ARID2: variants seen among roughly 807,000 people sequenced by gnomAD.
ARID2 encodes the protein AT-rich interaction domain 2.
A neutral mutation model predicts 184.6 loss-of-function variants in ARID2; 32 were observed. That is an observed-to-expected ratio of 0.17 (90% CI 0.13 to 0.23). The LOEUF is 0.23. ARID2 is among the 10% of genes least tolerant of loss of function. The pLI is 1.00. For missense variants in ARID2, 1,696 were observed against 2,197.6 expected (o/e 0.77, Z 4.56); for synonymous variants, 836 against 772.6 (o/e 1.08, Z -1.36).
chr12:45,817,036 A>G (rs1942815586), intron 4 of ARID2, among the ~76,000 whole-genome samples: 2 of 152,354 alleles, frequency 1.3e-5, no homozygotes, highest in South Asian at 4.1e-4. Flanking sequence ...AGTAATTTGG[A>G]AGAAGTCCAT....
At chr12:45,842,249 A>T (rs906613100) in intron 11 of ARID2, 3 of 150,844 alleles carry the variant, frequency 2.0e-5, no homozygotes, top group Admixed American at 2.0e-4. Context: ...AAAAAAAAAA[A>T]TACGTATATG....
At chr12:45,759,003 G>A (rs541791849) in intron 3 of ARID2, among the ~76,000 whole-genome samples, 8 of 151,664 alleles carry the variant, frequency 5.3e-5, no homozygotes, top group South Asian at 4.2e-4. Context: ...TAAAAGACAC[G>A]CACACACACA....
At chr12:45,878,285 C>T (rs755032428) in intron 16 of ARID2, among the ~76,000 whole-genome samples, 1 of 152,104 alleles carries the variant, frequency 6.6e-6, no homozygotes, top group African/African-American at 2.4e-5. Context: ...TTGGAAAATT[C>T]TCACTTCGTT....
rs192100721 is a variant in ARID2, at chr12:45,812,205, C to G, written c.418+654C>G. 5.7e-3 allele frequency among the ~76,000 whole-genome samples: 845 copies of G among 148,142 alleles called. 5 individuals are homozygous for G. The highest frequency in any genetic ancestry group is 1.0e-2 in the Admixed American group (150 of 15,006). ...GTTTTTCCACTCACTAACATTTGGC[C>G]TAAAAAAAAAAAGAGATACTTGTTT... On this transcript the variant is annotated intron_variant, in intron 4 of 20. Coordinates refer to ENST00000334344, the MANE Select transcript of ARID2 (RefSeq NM_152641.4).
At chr12:45,794,333 A>G (rs1410288412) in intron 3 of ARID2, among the ~76,000 whole-genome samples, 5 of 152,156 alleles carry the variant, frequency 3.3e-5, no homozygotes, top group Admixed American at 6.5e-5. Flanking sequence ...TCAGCGTATG[A>G]TTTTTTCTTG....
intron 3 of ARID2, among the ~76,000 whole-genome samples, chr12:45,752,655 A>G (rs1441858667): frequency 3.3e-5 from 5 of 152,140 alleles, no homozygotes; most frequent in Admixed American, 6.5e-5. Context: ...CTGAGTAGCT[A>G]GGACTCAGAC....
In ARID2 at chr12:45,859,264, A is replaced by C. The variant is rs1454624177; in HGVS notation, c.4774-1537A>C. 2.6e-5 allele frequency among the ~76,000 whole-genome samples: 4 copies of C among 152,224 alleles called. No individual in the cohort carries two copies. The East Asian group carries it at 7.7e-4, about 29-fold the overall frequency. On this transcript the variant is annotated intron_variant, in intron 15 of 20. Transcript: ENST00000334344. Reference sequence around the variant, plus strand: ...TACACAAATACTTAACCATTGTGTTACGGTTGCCTATAGTATTCGGTACAG... The same window carrying C: ...TACACAAATACTTAACCATTGTGTTCCGGTTGCCTATAGTATTCGGTACAG...
At position 45,831,042 on chromosome 12, in the gene ARID2, C is replaced by CA. The variant is rs768114802; in HGVS notation, c.706-5532dup. ...CACTAGTGACAGAACGAGACTCTGT[C>CA]AAAAAAAAAAAAAAAGGCATTAGAA... is the stretch of plus-strand genomic sequence containing the variant. On this transcript the variant is annotated intron_variant, in intron 6 of 20. Coordinates refer to ENST00000334344, the MANE Select transcript of ARID2 (RefSeq NM_152641.4). 9.8e-3 allele frequency among the ~76,000 whole-genome samples: 796 copies of CA among 81,416 alleles called. 4 individuals carry two copies. Among genetic ancestry groups the CA allele is most frequent in the African/African-American group, 0.021 (497 of 23,598 alleles). 53.4% of individuals were successfully genotyped at this position (81,416 alleles called of 152,430 possible).
chr12:45,836,297 A>G (rs1943219460), intron 6 of ARID2, among the ~76,000 whole-genome samples: 1 of 152,130 alleles, frequency 6.6e-6, no homozygotes, highest in African/African-American at 2.4e-5. Flanking sequence ...GCAGCCTTCA[A>G]TTCCAGGCCT....
chr12:45,884,231 A>C (rs1434459727), intron 16 of ARID2, among the ~76,000 whole-genome samples: 1 of 152,152 alleles, frequency 6.6e-6, no homozygotes, highest in Non-Finnish European at 1.5e-5. Flanking sequence ...CCCCATCTCT[A>C]CTAAAAATAC....
At chr12:45,845,016 C>T (rs1943416450) in intron 11 of ARID2, among the ~76,000 whole-genome samples, 1 of 152,178 alleles carries the variant, frequency 6.6e-6, no homozygotes, top group Non-Finnish European at 1.5e-5. Flanking sequence ...TAAGCACCTT[C>T]ATTTAGAATG....
intron 5 of ARID2, among the ~76,000 whole-genome samples, chr12:45,820,014 G>A (rs1015904973): frequency 1.3e-5 from 2 of 152,078 alleles, no homozygotes; most frequent in African/African-American, 4.8e-5. Flanking sequence ...AGAGTGCTGG[G>A]ATTACAGGTG....
At chr12:45,840,764 C>T (rs1186461148) in intron 11 of ARID2, 2 of 152,144 alleles carry the variant, frequency 1.3e-5, no homozygotes, top group African/African-American at 4.8e-5. Flanking sequence ...TCTACTCCAA[C>T]TTGTAGTATG....
At position 45,853,025 on chromosome 12, in the gene ARID2, T is replaced by C. The variant is rs561199724; in HGVS notation, c.4773+129T>C. On this transcript the variant is annotated intron_variant, in intron 15 of 20. Transcript: ENST00000334344. Reference sequence around the variant, plus strand: ...TGTATCAGCTCACTTGTATCCAACCTGTCCTTTTCTTTTTCTCTGGTTTTG... The same window carrying C: ...TGTATCAGCTCACTTGTATCCAACCCGTCCTTTTCTTTTTCTCTGGTTTTG... The C allele has an allele frequency of 2.0e-4, 267 of 1,312,906 alleles. 1 individual carries two copies. The highest frequency in any genetic ancestry group is 2.5e-4 in the Non-Finnish European group (258 of 1,024,306). The allele number at this position is 1,312,906 out of a possible 1,614,324, so 81.3% of individuals were successfully genotyped here. A position where few individuals can be genotyped will look rare whatever the true frequency, so the allele number is the denominator to read the frequency against.
chr12:45,801,175 G>A (rs1176802815), intron 3 of ARID2, among the ~76,000 whole-genome samples: 7 of 152,128 alleles, frequency 4.6e-5, no homozygotes, highest in African/African-American at 1.2e-4. Flanking sequence ...AGCCACGCGC[G>A]GTGGTAGGCG....
chr12:45,731,447 A>G, intron 3 of ARID2, 133 bp downstream of exon 3: 1 of 614,708 alleles, frequency 1.6e-6, no homozygotes, highest in African/African-American at 1.9e-5. Context: ...ACTGAGACAC[A>G]TTTAATATAA....
At chr12:45,736,255 G>A (rs1941118676) in intron 3 of ARID2, among the ~76,000 whole-genome samples, 1 of 152,020 alleles carries the variant, frequency 6.6e-6, no homozygotes, top group Admixed American at 6.5e-5. Flanking sequence ...TACTCGGGAG[G>A]CTGAGGCAGG....
chr12:45,882,260 G>A (rs1944118602), intron 16 of ARID2: 1 of 152,140 alleles, frequency 6.6e-6, no homozygotes, highest in Non-Finnish European at 1.5e-5. Flanking sequence ...TGTGGGCCTT[G>A]GTGATTATTC....
chr12:45,760,334 C>T (rs1305613223), intron 3 of ARID2, among the ~76,000 whole-genome samples: 1 of 152,162 alleles, frequency 6.6e-6, no homozygotes, highest in Non-Finnish European at 1.5e-5. Flanking sequence ...ATTGTGATGT[C>T]ACATACGTCA....
Sources: allele counts gnomAD v4.1 joint callset (sites outside exome capture counted in the v4.1 genomes callset), GRCh38; gene constraint gnomAD v4.1.1; transcripts MANE v1.5; gene names NCBI Gene and HGNC (gene_info 2026-07-23, HGNC 2026-07-21).